MYO9B: variants seen among roughly 807,000 people sequenced by gnomAD.
The protein encoded by MYO9B is unconventional myosin-IXb.
In MYO9B, 71 loss-of-function variants were observed where a neutral mutation model predicts 229.5. The ratio of observed to expected loss-of-function variants is 0.31; its 90% CI spans 0.26 to 0.38. MYO9B has a LOEUF of 0.38. Ranked by LOEUF, MYO9B falls within the 10% of genes least tolerant of loss-of-function variation. MYO9B has a pLI of 1.00. For missense variants in MYO9B, 2,255 were observed against 2,920.5 expected (o/e 0.77, Z 5.25); for synonymous variants, 1,185 against 1,235.8 (o/e 0.96, Z 0.86).
At chr19:17,103,976 A>C (rs2057769528) in intron 2 of MYO9B, among the ~76,000 whole-genome samples, 1 of 151,728 alleles carries the variant, frequency 6.6e-6, no homozygotes, top group Non-Finnish European at 1.5e-5. Flanking sequence ...GAATCGCTTG[A>C]ACCCGGTAGG....
Position 17,211,929 on chromosome 19 carries a change from G to GGCCCCCCCCCCCCC in MYO9B, c.6093_6094insGCCCCCCCCCCCCC (p.Pro2032AlafsTer26). On this transcript the variant is annotated frameshift_variant, in exon 40 of 40. Coordinates refer to ENST00000682292, the MANE Select transcript of MYO9B (RefSeq NM_004145.4). LOFTEE classifies it low-confidence loss of function (END_TRUNC). The stretch of plus-strand genomic sequence containing the variant: ...CGCCTGCTCTCCCTTGCCCCGGCGC[G>GGCCCCCCCCCCCCC]CCCACCCCGAGCCCCCTCCCCACCG... The GGCCCCCCCCCCCCC allele has an allele frequency of 6.4e-7, 1 of 1,552,372 alleles. No homozygotes were observed.
At chr19:17,136,493 C>T (rs1018728220) in intron 2 of MYO9B, among the ~76,000 whole-genome samples, 3 of 152,088 alleles carry the variant, frequency 2.0e-5, no homozygotes, top group Non-Finnish European at 4.4e-5. Flanking sequence ...CAGTGAGCCC[C>T]GACTACCCAG....
At chr19:17,150,017 A>T (rs1035953663) in intron 3 of MYO9B, among the ~76,000 whole-genome samples, 1 of 152,188 alleles carries the variant, frequency 6.6e-6, no homozygotes, top group South Asian at 2.1e-4. Flanking sequence ...ATAGAAGGAA[A>T]CATTTTTTTC....
chr19:17,087,871 A>G (rs1157816861), intron 1 of MYO9B, among the ~76,000 whole-genome samples: 3 of 150,368 alleles, frequency 2.0e-5, no homozygotes, highest in Non-Finnish European at 3.0e-5. Flanking sequence ...CGGAGGTTGC[A>G]GTGAGCCGAG....
intron 22 of MYO9B, 34 bp from the exon 23 acceptor site, chr19:17,197,758 A>C (rs1182977228): frequency 1.2e-6 from 2 of 1,612,562 alleles, no homozygotes; most frequent in Non-Finnish European, 1.7e-6. Flanking sequence ...GACTCACTCT[A>C]GTCAGTAAAA....
At chr19:17,089,020 C>T (rs2057611312) in intron 1 of MYO9B, among the ~76,000 whole-genome samples, 1 of 152,160 alleles carries the variant, frequency 6.6e-6, no homozygotes, top group Non-Finnish European at 1.5e-5. Flanking sequence ...CTTAGTTCCT[C>T]CCTCCTGTCA....
chr19:17,163,144 C>A, intron 10 of MYO9B, 22 bp downstream of exon 10: 2 of 1,544,688 alleles, frequency 1.3e-6, no homozygotes, highest in South Asian at 1.2e-5. Flanking sequence ...GCTTTTTTGT[C>A]AATTTTTTGA....
rs374325002 is a variant in MYO9B at position 17,183,834 on chromosome 19, G to A, written c.2339G>A (p.Ser780Asn). The A allele has an allele frequency of 4.1e-5, 64 of 1,570,140 alleles. No homozygotes were observed. The African/African-American group carries it at 7.6e-4, about 19-fold the overall frequency. ...CATTTTTAATATTTTGACAGGAAAA[G>A]TAAAGGTATCAAACAAAAGCAGATC... ...LQKPRAFILK[S>N]KGIKQKQIIP... The change falls in exon 16 of 40, where the codon AGT (serine) becomes AAT (asparagine). Residue 780 changes from serine (S) to asparagine (N), a missense_variant. This residue lies in a region of MYO9B where 155 missense variants were observed against 159.1 expected (regional missense o/e 0.97). Coordinates refer to ENST00000682292, the MANE Select transcript of MYO9B (RefSeq NM_004145.4).
chr19:17,179,550 C>T (rs866315710), intron 14 of MYO9B, among the ~76,000 whole-genome samples: 17 of 150,940 alleles, frequency 1.1e-4, no homozygotes, highest in African/African-American at 2.4e-4. Context: ...CCTCAGCCTC[C>T]GGAGTGACTG....
intron 1 of MYO9B, among the ~76,000 whole-genome samples, chr19:17,092,125 G>A (rs141362477): frequency 0.011 from 1,643 of 152,334 alleles, 16 homozygotes; most frequent in Non-Finnish European, 0.014. Flanking sequence ...GAGGCTGCCG[G>A]GAGCAGAAGA....
At chr19:17,166,820 A>G (rs1324653016) in intron 10 of MYO9B, among the ~76,000 whole-genome samples, 2 of 152,206 alleles carry the variant, frequency 1.3e-5, no homozygotes, top group African/African-American at 4.8e-5. Flanking sequence ...ATGTTCCTGC[A>G]AAGGACATGA....
chr19:17,184,350 G>A (rs1436809165), intron 16 of MYO9B, among the ~76,000 whole-genome samples: 2 of 152,216 alleles, frequency 1.3e-5, no homozygotes, highest in Non-Finnish European at 2.9e-5. Context: ...ACATACAAGT[G>A]CAGCAATTTA....
At chr19:17,094,863 G>C (rs1376180436) in intron 1 of MYO9B, among the ~76,000 whole-genome samples, 1 of 152,114 alleles carries the variant, frequency 6.6e-6, no homozygotes, top group African/African-American at 2.4e-5. Context: ...GTTTGCTTGA[G>C]CCAGGGGAGG....
chr19:17,102,455 C>G lies in MYO9B; in HGVS notation c.738C>G (p.Thr246=). Residue 246 remains threonine, a synonymous_variant, in exon 2 of 40, where the codon ACC becomes ACG. Coordinates refer to ENST00000682292, the MANE Select transcript of MYO9B (RefSeq NM_004145.4). ...CGGGTGAGAGCGGCTCCGGCAAGAC[C>G]CAGAGCACCAACTTCCTCATCCACT... is the stretch of plus-strand genomic sequence containing the variant. The part of the protein sequence containing the change: ...VISGESGSGK[T]QSTNFLIHCL... 1 of 1,613,946 alleles carries G rather than the reference C, an allele frequency of 6.2e-7. No homozygotes were observed. Among genetic ancestry groups the G allele is most frequent in the South Asian group, 1.1e-5 (1 of 91,090 alleles).
intron 2 of MYO9B, among the ~76,000 whole-genome samples, chr19:17,117,278 G>A (rs892494596): frequency 2.6e-5 from 4 of 152,170 alleles, no homozygotes; most frequent in Non-Finnish European, 4.4e-5. Flanking sequence ...GGATAGATCC[G>A]ATTTCTGCAG....
At chr19:17,164,287 T>A (rs1040460700) in intron 10 of MYO9B, among the ~76,000 whole-genome samples, 1 of 152,208 alleles carries the variant, frequency 6.6e-6, no homozygotes, top group African/African-American at 2.4e-5. Flanking sequence ...TGTGGGGGCT[T>A]CTGTGTCCAA....
chr19:17,093,978 A>G (rs1236665000), intron 1 of MYO9B, among the ~76,000 whole-genome samples: 2 of 151,820 alleles, frequency 1.3e-5, no homozygotes, highest in African/African-American at 2.4e-5. Flanking sequence ...AGCCTCCCAA[A>G]GTGCTAGGAT....
chr19:17,107,288 A>T (rs982779854), intron 2 of MYO9B, among the ~76,000 whole-genome samples: 1 of 151,950 alleles, frequency 6.6e-6, no homozygotes, highest in African/African-American at 2.4e-5. Flanking sequence ...TAGATCCAAC[A>T]TTTACCATGT....
In MYO9B at chr19:17,193,298, A is replaced by G. The variant is rs1051148345; in HGVS notation, c.3128+236A>G. 1.5e-4 allele frequency among the ~76,000 whole-genome samples: 23 copies of G among 152,166 alleles called. No individual in the cohort carries two copies. Among genetic ancestry groups the G allele is most frequent in the African/African-American group, 5.6e-4 (23 of 41,440 alleles). ...CCCTGCTTTGCCATTGGCTGCACCC[A>G]TTCTCTGCCCAGGGACTCCCCTGTA... On this transcript the variant is annotated intron_variant, in intron 21 of 39. Coordinates refer to ENST00000682292, the MANE Select transcript of MYO9B (RefSeq NM_004145.4). The surrounding 1 kb of genome is among the most constrained non-coding windows in gnomAD (Gnocchi z 4.3).
Sources: allele counts gnomAD v4.1 joint callset (sites outside exome capture counted in the v4.1 genomes callset), GRCh38; gene constraint gnomAD v4.1.1; regional missense constraint gnomAD v4.1.1; non-coding constraint Gnocchi (gnomAD v3.1); transcripts MANE v1.5; gene names NCBI Gene and HGNC (gene_info 2026-07-23, HGNC 2026-07-21).